MGST1: variants seen among roughly 807,000 people sequenced by gnomAD.
MGST1 encodes the protein glutathione S-transferase 12.
Under a neutral mutation model 8.9 loss-of-function variants are expected in MGST1, and 5 were observed. That is an observed-to-expected ratio of 0.56 (90% CI 0.29 to 1.19). MGST1 has a LOEUF of 1.19. Ranked by LOEUF, MGST1 falls within the 50% of genes most tolerant of loss-of-function variation. The pLI is 0.08. For synonymous variants in MGST1, 54 were observed against 67.8 expected (o/e 0.80, Z 1.00); for missense variants, 182 against 187.4 (o/e 0.97, Z 0.17).
At chr12:16,359,917 C>A (rs1303825403) in intron 3 of MGST1, among the ~76,000 whole-genome samples, 1 of 152,212 alleles carries the variant, frequency 6.6e-6, no homozygotes. Flanking sequence ...CGACCTTCCA[C>A]CCTTACTCCC....
At chr12:16,567,118 C>T (rs1159850984) in intron 4 of MGST1, among the ~76,000 whole-genome samples, 1 of 152,120 alleles carries the variant, frequency 6.6e-6, no homozygotes, top group African/African-American at 2.4e-5. Flanking sequence ...ATCACTTGAA[C>T]CTGCGAGGCG....
At chr12:16,452,400 C>CAAAA (rs35104776) in intron 4 of MGST1, among the ~76,000 whole-genome samples, 1 of 138,576 alleles carries the variant, frequency 7.2e-6, no homozygotes. Flanking sequence ...AGGAAGTGGC[C>CAAAA]AAAAAAAAAA....
intron 4 of MGST1, among the ~76,000 whole-genome samples, chr12:16,460,562 C>A (rs1407733036): frequency 6.6e-6 from 1 of 151,302 alleles, no homozygotes; most frequent in African/African-American, 2.4e-5. Context: ...CTTGAGCCTG[C>A]CTAGGGCTTT....
chr12:16,552,935 C>A (rs374060388), intron 4 of MGST1, among the ~76,000 whole-genome samples: 13 of 143,174 alleles, frequency 9.1e-5, no homozygotes, highest in African/African-American at 2.7e-4. Flanking sequence ...CAGTAGGGTC[C>A]AAACTCTACC....
At chr12:16,588,805 T>G (rs1943402262) in intron 4 of MGST1, among the ~76,000 whole-genome samples, 2 of 152,092 alleles carry the variant, frequency 1.3e-5, no homozygotes, top group African/African-American at 4.8e-5. Flanking sequence ...TATTAATCAC[T>G]CTTAAACCTC....
intron 4 of MGST1, among the ~76,000 whole-genome samples, chr12:16,455,660 A>G (rs1450749368): frequency 6.6e-6 from 1 of 151,906 alleles, no homozygotes; most frequent in Non-Finnish European, 1.5e-5. Flanking sequence ...GCATGGATAG[A>G]CAAGGCAACT....
chr12:16,533,674 G>C (rs1465613663), intron 4 of MGST1, among the ~76,000 whole-genome samples: 1 of 151,342 alleles, frequency 6.6e-6, no homozygotes, highest in Non-Finnish European at 1.5e-5. Flanking sequence ...GCCAGATATT[G>C]TTATAGATCC....
In MGST1 at chr12:16,410,169, T is replaced by C. The variant is rs2137072496; in HGVS notation, n.778+26565T>C. ...TGTCACAGGGTCAAAGTGGTTATAG[T>C]GCTATGCTTACCGTCATTTCTCTTT... is the stretch of plus-strand genomic sequence containing the variant. On this transcript the variant is annotated intron_variant and non_coding_transcript_variant, in intron 1 of 1. Coordinates refer to the MGST1 transcript ENST00000359720. This position sits in a 1 kb window ranked among gnomAD's most constrained non-coding sequence, Gnocchi z 4.4. Among the ~76,000 whole-genome samples, 1 of 152,302 alleles carries C rather than the reference T, an allele frequency of 6.6e-6. No individual in the cohort carries two copies. Among genetic ancestry groups the C allele is most frequent in the Non-Finnish European group, 1.5e-5 (1 of 68,024 alleles).
intron 1 of MGST1, among the ~76,000 whole-genome samples, chr12:16,387,941 T>A (rs1215744969): frequency 4.0e-5 from 6 of 151,766 alleles, no homozygotes; most frequent in Admixed American, 1.3e-4. Flanking sequence ...ATTTGTAGCC[T>A]AAGAGCAATA....
chr12:16,354,477 A>T, intron 2 of MGST1, 99 bp downstream of exon 2: 3 of 1,206,720 alleles, frequency 2.5e-6, no homozygotes, highest in Non-Finnish European at 3.5e-6. Flanking sequence ...AAAGCCCAAT[A>T]GCACACTGTT....
At position 16,482,086 on chromosome 12, in the gene MGST1, A is replaced by C. The variant is rs1051698236; in HGVS notation, n.482+98482A>C. 6.6e-6 allele frequency among the ~76,000 whole-genome samples: 1 copy of C among 152,200 alleles called. No homozygotes were observed. The highest frequency in any genetic ancestry group is 1.5e-5 in the Non-Finnish European group (1 of 68,034). On this transcript the variant is annotated intron_variant and non_coding_transcript_variant, in intron 4 of 4. Coordinates refer to the MGST1 transcript ENST00000538857. This position sits in a 1 kb window ranked among gnomAD's most constrained non-coding sequence, Gnocchi z 4.2. ...ATAACATTGAGGTGCTGAAAATATA[A>C]TAGTCAACATAAAATTGTATTCTAG...
At chr12:16,404,569 T>C (rs1940684190) in intron 1 of MGST1, among the ~76,000 whole-genome samples, 2 of 152,124 alleles carry the variant, frequency 1.3e-5, no homozygotes, top group South Asian at 4.1e-4. Flanking sequence ...AGTTATTCTG[T>C]AAATTTCTAC....
chr12:16,373,244 G>C (rs1193348676), intron 3 of MGST1, among the ~76,000 whole-genome samples: 1 of 151,766 alleles, frequency 6.6e-6, no homozygotes, highest in African/African-American at 2.4e-5. Flanking sequence ...TACTAGAGAG[G>C]TTGGGAAGGA....
At position 16,544,205 on chromosome 12, in the gene MGST1, CACCTT is replaced by C. The variant is rs1443753005; in HGVS notation, n.483-45321_483-45317del. Among the ~76,000 whole-genome samples, 1 of 145,878 alleles carries C rather than the reference CACCTT, an allele frequency of 6.9e-6. No homozygotes were observed. The highest frequency in any genetic ancestry group is 2.6e-5 in the African/African-American group (1 of 38,206). ...TTTCAAAACAAACTTTTTAAATTGA[CACCTT>C]AAGTAAGAACTACACACACACACAC... On this transcript the variant is annotated intron_variant and non_coding_transcript_variant, in intron 4 of 4. Transcript: ENST00000538857. The surrounding 1 kb of genome is among the most constrained non-coding windows in gnomAD (Gnocchi z 4.8).
At chr12:16,550,137 C>T (rs1941932938) in intron 4 of MGST1, 1 of 152,028 alleles carries the variant, frequency 6.6e-6, no homozygotes, top group African/African-American at 2.4e-5. Context: ...AAAGTAACCT[C>T]ACTACTCAAA....
chr12:16,464,503 G>T (rs1941241500), intron 4 of MGST1, among the ~76,000 whole-genome samples: 1 of 152,204 alleles, frequency 6.6e-6, no homozygotes, highest in African/African-American at 2.4e-5. Context: ...CATGGGCTGT[G>T]TGTGTTTCAC....
At chr12:16,526,196 G>A (rs1230226818) in intron 4 of MGST1, among the ~76,000 whole-genome samples, 11 of 151,346 alleles carry the variant, frequency 7.3e-5, no homozygotes. Context: ...TGCTTTTGGT[G>A]TTTTAGACAT....
chr12:16,472,737 G>A (rs1941296777), intron 4 of MGST1, among the ~76,000 whole-genome samples: 1 of 152,080 alleles, frequency 6.6e-6, no homozygotes, highest in Admixed American at 6.5e-5. Context: ...GGATACTTAG[G>A]TAGTGAATGA....
At chr12:16,501,136 G>C (rs1370504808) in intron 4 of MGST1, among the ~76,000 whole-genome samples, 2 of 149,014 alleles carry the variant, frequency 1.3e-5, no homozygotes, top group African/African-American at 4.9e-5. Flanking sequence ...AGAGTACTTA[G>C]AGTCAATCAC....
Sources: allele counts gnomAD v4.1 joint callset (sites outside exome capture counted in the v4.1 genomes callset), GRCh38; gene constraint gnomAD v4.1.1; non-coding constraint Gnocchi (gnomAD v3.1); transcripts MANE v1.5; gene names NCBI Gene and HGNC (gene_info 2026-07-23, HGNC 2026-07-21).